The following HOMER2 variants were observed in gnomAD, a reference collection of about 807,000 sequenced individuals.
HOMER2 encodes homer scaffold protein 2.
A neutral mutation model predicts 47.0 loss-of-function variants in HOMER2; 27 were observed. The ratio of observed to expected loss-of-function variants is 0.57; its 90% CI spans 0.42 to 0.79. The LOEUF (loss-of-function observed/expected upper bound fraction) is 0.79. Ranked by LOEUF, HOMER2 falls within the 30% of genes least tolerant of loss-of-function variation. The pLI, the probability that HOMER2 is intolerant of heterozygous loss-of-function variation, is 0.00. For synonymous variants in HOMER2, 161 were observed against 163.8 expected, an observed-to-expected ratio of 0.98 and a Z score of 0.13; for missense variants, 443 against 435.0, an observed-to-expected ratio of 1.02 and a Z score of -0.16.
chr15:82,900,041 TAATAA>T (rs1417404622), intron 1 of HOMER2, among the ~76,000 whole-genome samples: 3 of 151,534 alleles, frequency 2.0e-5, no homozygotes, highest in Admixed American at 6.6e-5. Context: ...AAAAAATATA[TAATAA>T]TAGATTGCCA....
chr15:82,963,043 G>A (rs1371305995), intron 1 of HOMER2, among the ~76,000 whole-genome samples: 3 of 152,144 alleles, frequency 2.0e-5, no homozygotes, highest in Non-Finnish European at 2.9e-5. Flanking sequence ...ACTTTGGGAG[G>A]CTGAGGCAGG....
chr15:82,972,639 G>A (rs2030036317), intron 1 of HOMER2, among the ~76,000 whole-genome samples: 2 of 151,846 alleles, frequency 1.3e-5, no homozygotes, highest in Admixed American at 1.3e-4. Context: ...CTGAGATGGC[G>A]CCACTGCACT....
At chr15:82,954,314 G>A (rs62011742), upstream of HOMER2, among the ~76,000 whole-genome samples, 29,407 of 150,910 alleles carry the variant, frequency 0.19, 3,059 homozygotes, top group Non-Finnish European at 0.22. Flanking sequence ...TTTTTGAGAC[G>A]GAGTCTCACT....
chr15:82,975,227 T>C (rs989124929), intron 1 of HOMER2, among the ~76,000 whole-genome samples: 1 of 152,142 alleles, frequency 6.6e-6, no homozygotes. Context: ...CTGGTGAGGA[T>C]GTGGAGAAAA....
At chr15:82,903,313 C>T (rs1341354854) in intron 1 of HOMER2, among the ~76,000 whole-genome samples, 2 of 151,930 alleles carry the variant, frequency 1.3e-5, no homozygotes, top group African/African-American at 4.8e-5. Context: ...AGTCGCCACT[C>T]CATTTTAACA....
At chr15:82,924,877 A>C (rs1335712427) in intron 1 of HOMER2, among the ~76,000 whole-genome samples, 1 of 152,196 alleles carries the variant, frequency 6.6e-6, no homozygotes, top group East Asian at 1.9e-4. Context: ...AGTGACAGTC[A>C]CCTAAGCCCA....
At chr15:82,979,390 T>C (rs993500678) in intron 1 of HOMER2, among the ~76,000 whole-genome samples, 20 of 152,142 alleles carry the variant, frequency 1.3e-4, no homozygotes, top group Admixed American at 2.0e-4. Context: ...CAGGCCTAGA[T>C]ATAATCAAGC....
intron 6 of HOMER2, 80 bp from the exon 7 acceptor site, chr15:82,852,332 T>A: frequency 5.2e-6 from 5 of 970,430 alleles, no homozygotes; most frequent in Non-Finnish European, 6.4e-6. Flanking sequence ...CAGCTATGCT[T>A]CTCTTTTCTT....
intron 1 of HOMER2, among the ~76,000 whole-genome samples, chr15:82,899,659 T>A (rs1309878245): frequency 2.0e-5 from 3 of 152,136 alleles, no homozygotes; most frequent in Non-Finnish European, 2.9e-5. Context: ...TTCAGTAAGG[T>A]GGCTAGGTAT....
chr15:82,843,281 A>G (rs1247442464), exon 2 of HOMER2: 1 of 151,682 alleles, frequency 6.6e-6, no homozygotes, highest in African/African-American at 2.4e-5. Context: ...TCTCTACTAA[A>G]AACAAAAAGT....
At chr15:82,902,605 C>A (rs1385583605) in intron 1 of HOMER2, among the ~76,000 whole-genome samples, 1 of 152,118 alleles carries the variant, frequency 6.6e-6, no homozygotes, top group Non-Finnish European at 1.5e-5. Context: ...CCGAAGGAAC[C>A]GTTTGTGTTC....
chr15:82,873,254 G>T (rs775960149), intron 3 of HOMER2, among the ~76,000 whole-genome samples: 2 of 152,140 alleles, frequency 1.3e-5, no homozygotes, highest in Non-Finnish European at 1.5e-5. Flanking sequence ...ATTCCACTGG[G>T]CCCCTTATTC....
chr15:82,911,208 C>G (rs958062600), intron 1 of HOMER2, among the ~76,000 whole-genome samples: 11 of 152,142 alleles, frequency 7.2e-5, no homozygotes, highest in Non-Finnish European at 1.6e-4. Flanking sequence ...AAGAAATCTT[C>G]AAAAAGAATA....
intron 1 of HOMER2, among the ~76,000 whole-genome samples, chr15:82,943,130 C>T (rs902753187): frequency 1.3e-5 from 2 of 152,260 alleles, no homozygotes. Flanking sequence ...ATAAACTTGG[C>T]CATCATTTAC....
At chr15:82,859,001 T>C in intron 5 of HOMER2, 28 bp downstream of exon 5, 1 of 1,600,018 alleles carries the variant, frequency 6.2e-7, no homozygotes, top group Non-Finnish European at 8.5e-7. Flanking sequence ...GTGGAGAAAA[T>C]AGAATCTGGA....
At chr15:82,926,846 C>T (rs1412246671) in intron 1 of HOMER2, among the ~76,000 whole-genome samples, 1 of 152,124 alleles carries the variant, frequency 6.6e-6, no homozygotes, top group African/African-American at 2.4e-5. Flanking sequence ...TTTGCCCTTT[C>T]ATTATGTGAT....
At chr15:82,914,648 C>T (rs1288135431) in intron 1 of HOMER2, among the ~76,000 whole-genome samples, 4 of 151,996 alleles carry the variant, frequency 2.6e-5, no homozygotes, top group East Asian at 3.9e-4. Context: ...GATGGCTACA[C>T]GACATTGTGA....
intron 2 of HOMER2, among the ~76,000 whole-genome samples, chr15:82,881,377 T>C (rs1397016998): frequency 2.0e-5 from 3 of 152,216 alleles, no homozygotes; most frequent in Admixed American, 2.0e-4. Flanking sequence ...TGAGAAGTCT[T>C]TCCCAAATCC....
chr15:82,861,525 T>C (rs1240898751), intron 4 of HOMER2, among the ~76,000 whole-genome samples: 1 of 152,222 alleles, frequency 6.6e-6, no homozygotes, highest in Admixed American at 6.5e-5. Context: ...TTTCCTTCTT[T>C]ATAGTATGGT....
Sources: allele counts gnomAD v4.1 joint callset (sites outside exome capture counted in the v4.1 genomes callset), GRCh38; gene constraint gnomAD v4.1.1; transcripts MANE v1.5; gene names NCBI Gene and HGNC (gene_info 2026-07-23, HGNC 2026-07-21).